Variants in MAP4K3 observed in about 807,000 individuals in gnomAD.
MAP4K3 encodes mitogen-activated protein kinase kinase kinase kinase 3.
A neutral mutation model predicts 143.5 loss-of-function variants in MAP4K3; 94 were observed. The ratio of observed to expected loss-of-function variants is 0.65; its 90% CI spans 0.55 to 0.78. The LOEUF (loss-of-function observed/expected upper bound fraction) is 0.78. Among genes scored for constraint, MAP4K3 ranks in the 30% least tolerant of loss-of-function variants. MAP4K3 has a pLI of 0.00. For synonymous variants in MAP4K3, 416 were observed against 347.2 expected (o/e 1.20, Z -2.20); for missense variants, 1,077 against 1,068.1 (o/e 1.01, Z -0.12).
intron 22 of MAP4K3, among the ~76,000 whole-genome samples, chr2:39,282,092 G>A (rs1477513246): frequency 6.6e-6 from 1 of 151,776 alleles, no homozygotes; most frequent in Non-Finnish European, 1.5e-5. Flanking sequence ...CTACTCGAGA[G>A]GCTGAGGCAG....
chr2:39,311,326 G>A (rs540033298), intron 13 of MAP4K3, among the ~76,000 whole-genome samples: 12 of 152,122 alleles, frequency 7.9e-5, no homozygotes, highest in Non-Finnish European at 1.5e-4. Flanking sequence ...TGATCCGCCC[G>A]CCTCGGCCTC....
chr2:39,423,897 T>C (rs903261924), intron 1 of MAP4K3, among the ~76,000 whole-genome samples: 3 of 152,234 alleles, frequency 2.0e-5, no homozygotes, highest in Non-Finnish European at 4.4e-5. Flanking sequence ...CTAATGTATG[T>C]AAACTATGAA....
At chr2:39,384,473 G>A (rs746796401) in intron 1 of MAP4K3, among the ~76,000 whole-genome samples, 34 of 152,386 alleles carry the variant, frequency 2.2e-4, no homozygotes, top group African/African-American at 7.9e-4. Flanking sequence ...TTGAACCCGG[G>A]AGGCGGAAGT....
At chr2:39,294,744 G>C (rs939672833) in intron 16 of MAP4K3, among the ~76,000 whole-genome samples, 9 of 152,264 alleles carry the variant, frequency 5.9e-5, no homozygotes, top group Non-Finnish European at 1.0e-4. Flanking sequence ...ATTTAGGACA[G>C]AGTTGGGACT....
At position 39,376,702 on chromosome 2, in the gene MAP4K3, G is replaced by C. The variant is rs149463614; in HGVS notation, c.154+1364C>G. 1.2e-4 allele frequency among the ~76,000 whole-genome samples: 19 copies of C among 152,272 alleles called. 1 individual carries two copies. The highest frequency in any genetic ancestry group is 6.2e-4 in the South Asian group (3 of 4,824). Reference sequence around the variant, plus strand: ...AATCACTCAGGAGTCATCTTAATTAGACCCAGGGTCAAGCAAGGCTTCCTG... The same window carrying C: ...AATCACTCAGGAGTCATCTTAATTACACCCAGGGTCAAGCAAGGCTTCCTG... On this transcript the variant is annotated intron_variant, in intron 2 of 33. Coordinates refer to ENST00000263881, the MANE Select transcript of MAP4K3 (RefSeq NM_003618.4).
intron 15 of MAP4K3, among the ~76,000 whole-genome samples, chr2:39,304,612 T>C (rs1020074242): frequency 1.3e-5 from 2 of 152,238 alleles, no homozygotes; most frequent in Non-Finnish European, 2.9e-5. Flanking sequence ...GTCATGTGCA[T>C]CGCTGGTGGG....
rs55750216 is a variant in MAP4K3 at position 39,331,922 on chromosome 2, T to C, written c.525A>G (p.Pro175=). 7 of 1,559,002 alleles carry C rather than the reference T, an allele frequency of 4.5e-6. No individual in the cohort carries two copies. The Admixed American group carries it at 5.0e-5, about 11-fold the overall frequency. ...ATCAATTAAAATACAATTACCAATA[T>C]GGTGTGCCAATGAAAGACTTCCGTT... is the stretch of plus-strand genomic sequence containing the variant. The part of the protein sequence containing the change: ...IAKRKSFIGT[P]YWMAPEVAAV... The change falls in exon 8 of 34, where the codon CCA becomes CCG. Residue 175 remains proline (P), a synonymous_variant. Transcript: ENST00000263881.
intron 3 of MAP4K3, 118 bp from the exon 4 acceptor site, chr2:39,343,570 T>C (rs1047368514): frequency 1.4e-6 from 1 of 692,362 alleles, no homozygotes; most frequent in African/African-American, 1.8e-5. Flanking sequence ...CAATGTGTTA[T>C]CTTTAAAATA....
intron 27 of MAP4K3, among the ~76,000 whole-genome samples, chr2:39,266,488 C>A (rs561877862): frequency 3.3e-5 from 5 of 152,202 alleles, no homozygotes; most frequent in African/African-American, 1.2e-4. Context: ...ATTATGTAAC[C>A]TTTATGATTT....
At chr2:39,352,310 G>C (rs913011992) in intron 3 of MAP4K3, among the ~76,000 whole-genome samples, 1 of 152,012 alleles carries the variant, frequency 6.6e-6, no homozygotes, top group African/African-American at 2.4e-5. Flanking sequence ...AAATAAATGA[G>C]CATTTATTGT....
intron 1 of MAP4K3, among the ~76,000 whole-genome samples, chr2:39,390,788 CT>C (rs1666631109): frequency 6.6e-6 from 1 of 150,764 alleles, no homozygotes; most frequent in African/African-American, 2.4e-5. Flanking sequence ...AAAAAAAATA[CT>C]GGAAATGAAA....
intron 12 of MAP4K3, among the ~76,000 whole-genome samples, chr2:39,320,599 C>A (rs1382333723): frequency 6.6e-6 from 1 of 151,748 alleles, no homozygotes; most frequent in African/African-American, 2.4e-5. Context: ...ATGTGCACTG[C>A]CAACTTCATA....
At chr2:39,292,700 T>A in intron 18 of MAP4K3, 73 bp downstream of exon 18, 1 of 1,208,920 alleles carries the variant, frequency 8.3e-7, no homozygotes, top group South Asian at 1.2e-5. Flanking sequence ...TCCATCAATA[T>A]TAAGCTGCCA....
intron 1 of MAP4K3, among the ~76,000 whole-genome samples, chr2:39,387,940 C>T (rs1666553694): frequency 6.6e-6 from 1 of 152,168 alleles, no homozygotes; most frequent in South Asian, 2.1e-4. Context: ...AAAAAATGCA[C>T]TTAGCAGATA....
At chr2:39,308,178 T>C (rs1007044118) in intron 14 of MAP4K3, among the ~76,000 whole-genome samples, 173 bp from the exon 15 acceptor site, 9 of 152,148 alleles carry the variant, frequency 5.9e-5, no homozygotes, top group Non-Finnish European at 1.2e-4. Flanking sequence ...TGCAACAACT[T>C]TGCTCTAAAA....
chr2:39,328,310 GAC>G (rs1683563401), intron 8 of MAP4K3, among the ~76,000 whole-genome samples: 1 of 152,134 alleles, frequency 6.6e-6, no homozygotes, highest in African/African-American at 2.4e-5. Flanking sequence ...CAGCCTGGGT[GAC>G]AGAGTGAGAC....
rs539042309 is a variant in MAP4K3, at chr2:39,431,395, T to C, written c.96+5497A>G. Among the ~76,000 whole-genome samples, 113 of 152,360 alleles carry C rather than the reference T, an allele frequency of 7.4e-4. 1 individual carries two copies. The highest frequency in any genetic ancestry group is 1.7e-3 in the South Asian group (8 of 4,828). ...TTTGTTGGGATATCTTTTCTCATTC[T>C]AAAGATTCACTTTCATACCTTTTTT... On this transcript the variant is annotated intron_variant, in intron 1 of 33. Coordinates refer to ENST00000263881, the MANE Select transcript of MAP4K3 (RefSeq NM_003618.4).
intron 24 of MAP4K3, among the ~76,000 whole-genome samples, chr2:39,276,363 T>C (rs1681253323): frequency 6.6e-6 from 1 of 152,192 alleles, no homozygotes; most frequent in African/African-American, 2.4e-5. Flanking sequence ...CCTAGACCTC[T>C]CTTCAACCTC....
At chr2:39,416,265 A>G (rs1302383967) in intron 1 of MAP4K3, among the ~76,000 whole-genome samples, 2 of 151,964 alleles carry the variant, frequency 1.3e-5, no homozygotes, top group African/African-American at 4.8e-5. Context: ...ACCAAATGCT[A>G]AACAGGCTCT....
Sources: allele counts gnomAD v4.1 joint callset (sites outside exome capture counted in the v4.1 genomes callset), GRCh38; gene constraint gnomAD v4.1.1; transcripts MANE v1.5; gene names NCBI Gene and HGNC (gene_info 2026-07-23, HGNC 2026-07-21).